The following ATG7 variants were observed in gnomAD, a reference collection of about 807,000 sequenced individuals.
ATG7 encodes the protein ubiquitin-like modifier-activating enzyme ATG7.
In ATG7, 70 loss-of-function variants were observed where a neutral mutation model predicts 82.4. The observed-to-expected ratio is 0.85, with a 90% CI of 0.70 to 1.04. The LOEUF (loss-of-function observed/expected upper bound fraction) is 1.04. Ranked by LOEUF, ATG7 falls within the 50% of genes least tolerant of loss-of-function variation. The probability of loss-of-function intolerance (pLI) is 0.00; values close to 1 mark genes in which losing one functional copy is unlikely to be tolerated. For synonymous variants in ATG7, 287 were observed against 313.0 expected (o/e 0.92, Z 0.88); for missense variants, 792 against 864.3 (o/e 0.92, Z 1.05).
intron 20 of ATG7, among the ~76,000 whole-genome samples, chr3:11,457,661 A>G (rs183432336): frequency 1.3e-5 from 2 of 152,366 alleles, no homozygotes; most frequent in East Asian, 1.9e-4. Context: ...CAAAGTGACT[A>G]TACTAGTTAA....
chr3:11,369,688 A>G (rs2076866274), intron 18 of ATG7, among the ~76,000 whole-genome samples: 4 of 151,132 alleles, frequency 2.6e-5, no homozygotes, highest in Admixed American at 2.6e-4. Context: ...AAGAGTCAAG[A>G]TTGCTGTTTC....
chr3:11,501,726 G>A (rs2091337649), intron 20 of ATG7, among the ~76,000 whole-genome samples: 1 of 152,132 alleles, frequency 6.6e-6, no homozygotes, highest in African/African-American at 2.4e-5. Context: ...GTCTCCCTCT[G>A]TTGCCCAGGC....
chr3:11,347,655 T>C (rs895802702), intron 13 of ATG7, among the ~76,000 whole-genome samples: 1 of 152,242 alleles, frequency 6.6e-6, no homozygotes, highest in Admixed American at 6.5e-5. Flanking sequence ...TTTTTAGTCT[T>C]ATTACAGGAA....
intron 19 of ATG7, among the ~76,000 whole-genome samples, chr3:11,413,321 A>G (rs1203645259): frequency 1.3e-5 from 2 of 151,986 alleles, no homozygotes; most frequent in Non-Finnish European, 2.9e-5. Context: ...GGCTTTTATT[A>G]TGTTGAGGCA....
chr3:11,278,460 C>A (rs116110082), intron 1 of ATG7, among the ~76,000 whole-genome samples: 2,094 of 152,330 alleles, frequency 0.014, 44 homozygotes, highest in African/African-American at 0.047. Flanking sequence ...CGTTCAGGGT[C>A]CGTGACTTCC....
intron 20 of ATG7, among the ~76,000 whole-genome samples, chr3:11,438,392 A>G (rs777262982): frequency 2.6e-5 from 4 of 152,120 alleles, no homozygotes; most frequent in Admixed American, 6.5e-5. Context: ...AAAAGATTAC[A>G]TTGACCAACT....
At chr3:11,481,946 A>ACC (rs2089036508) in intron 20 of ATG7, among the ~76,000 whole-genome samples, 1 of 152,140 alleles carries the variant, frequency 6.6e-6, no homozygotes, top group Non-Finnish European at 1.5e-5. Context: ...TATGCTGGGG[A>ACC]CCTAGCAGGT....
chr3:11,358,644 T>A, intron 15 of ATG7, 32 bp downstream of exon 15: 1 of 1,599,316 alleles, frequency 6.3e-7, no homozygotes, highest in Non-Finnish European at 8.5e-7. Context: ...GATTTATGAT[T>A]TAATGCACCA....
intron 20 of ATG7, among the ~76,000 whole-genome samples, chr3:11,511,887 C>T (rs2092082487): frequency 2.6e-5 from 4 of 152,038 alleles, no homozygotes; most frequent in South Asian, 2.1e-4. Flanking sequence ...CTGGCTGCTC[C>T]GAATGCGGGG....
chr3:11,447,774 C>G (rs1200819162), intron 20 of ATG7, among the ~76,000 whole-genome samples: 2 of 152,154 alleles, frequency 1.3e-5, no homozygotes, highest in Non-Finnish European at 2.9e-5. Flanking sequence ...CATCTCTGGA[C>G]AGCTGGCAGT....
chr3:11,370,585 C>T (rs762354512), intron 18 of ATG7, among the ~76,000 whole-genome samples: 1 of 151,180 alleles, frequency 6.6e-6, no homozygotes, highest in Non-Finnish European at 1.5e-5. Context: ...GCAGCAAGTT[C>T]CAGTTGTGGC....
rs150190714 is a variant in ATG7, at chr3:11,493,104, C to T, written c.2080-61707C>T. Among the ~76,000 whole-genome samples the T allele has an allele frequency of 2.1e-3, 314 of 152,286 alleles. 5 individuals carry two copies. Among genetic ancestry groups the T allele is most frequent in the African/African-American group, 7.0e-3 (289 of 41,564 alleles). ...CCAATGCCAAAAAAGAATGAGGTCA[C>T]GTAGACGAATTGAAGTTATGGTGAA... is the stretch of plus-strand genomic sequence containing the variant. On this transcript the variant is annotated intron_variant, in intron 20 of 20. Coordinates refer to ENST00000693202, the MANE Select transcript of ATG7 (RefSeq NM_001349232.2).
intron 19 of ATG7, among the ~76,000 whole-genome samples, chr3:11,407,877 G>A (rs1036498802): frequency 3.3e-5 from 5 of 152,188 alleles, no homozygotes; most frequent in Non-Finnish European, 5.9e-5. Context: ...AGGCTTCAGG[G>A]CCTGTAGTGG....
At chr3:11,417,431 TTATC>T (rs1477987729) in intron 19 of ATG7, among the ~76,000 whole-genome samples, 1 of 152,222 alleles carries the variant, frequency 6.6e-6, no homozygotes, top group Non-Finnish European at 1.5e-5. Context: ...ATGCCCTTCT[TTATC>T]TAATAACATT....
chr3:11,491,999 G>A (rs1218845611), intron 20 of ATG7, among the ~76,000 whole-genome samples: 1 of 152,214 alleles, frequency 6.6e-6, no homozygotes, highest in Non-Finnish European at 1.5e-5. Context: ...CCAAGTTTGA[G>A]CTTCCCGGCT....
intron 20 of ATG7, among the ~76,000 whole-genome samples, chr3:11,451,952 G>A (rs2085223366): frequency 1.1e-5 from 1 of 94,126 alleles, no homozygotes; most frequent in Non-Finnish European, 2.1e-5. Flanking sequence ...TTCTATTTTT[G>A]TGAAGTGTTC....
chr3:11,573,396 AAAAT>A, the ATG7 span, among the ~76,000 whole-genome samples: 1 of 150,820 alleles, frequency 6.6e-6, no homozygotes, highest in African/African-American at 2.4e-5. Context: ...AGAAAGAAAG[AAAAT>A]GGCCCCATAG....
chr3:11,436,785 C>A (rs528250744), intron 20 of ATG7, among the ~76,000 whole-genome samples: 1 of 152,100 alleles, frequency 6.6e-6, no homozygotes, highest in Non-Finnish European at 1.5e-5. Context: ...GAAAATGTTA[C>A]ACTAATTGAA....
At chr3:11,530,347 G>A (rs565427081) in intron 20 of ATG7, among the ~76,000 whole-genome samples, 3 of 152,274 alleles carry the variant, frequency 2.0e-5, no homozygotes, top group African/African-American at 4.8e-5. Context: ...GCCGTACTCC[G>A]AGAAGCACTC....
Sources: gnomAD v4.1 joint callset for allele counts (sites outside exome capture counted in the v4.1 genomes callset) on GRCh38, gnomAD v4.1.1 for gene constraint, MANE v1.5 for transcripts, NCBI Gene and HGNC (gene_info 2026-07-23, HGNC 2026-07-21) for gene names.